COPG1: variants seen among roughly 807,000 people sequenced by gnomAD.
COPG1 encodes the protein coatomer subunit gamma-1.
In COPG1, 29 loss-of-function variants were observed where a neutral mutation model predicts 102.8. The observed-to-expected ratio is 0.28, with a 90% CI of 0.21 to 0.38. COPG1 has a LOEUF of 0.38. COPG1 is among the 10% of genes least tolerant of loss of function. COPG1 has a pLI of 1.00. For synonymous variants in COPG1, 406 were observed against 421.6 expected, an observed-to-expected ratio of 0.96 and a Z score of 0.45; for missense variants, 875 against 1,132.7, an observed-to-expected ratio of 0.77 and a Z score of 3.27.
At chr3:129,268,409 A>T in intron 16 of COPG1, 86 bp from the exon 17 acceptor site, 1 of 1,450,246 alleles carries the variant, frequency 6.9e-7, no homozygotes, top group Non-Finnish European at 9.4e-7. Context: ...AGGACTTGTA[A>T]CTTCGGGACC....
intron 7 of COPG1, 152 bp from the exon 8 acceptor site, chr3:129,255,916 A>G (rs1301642680): frequency 2.9e-5 from 17 of 594,620 alleles, no homozygotes; most frequent in Non-Finnish European, 6.0e-6. Context: ...AGGGACATTG[A>G]GGGTGGGAGC....
rs188915597 is a variant in COPG1, at chr3:129,254,315, C to T, written c.324-353C>T. The T allele has an allele frequency of 1.7e-4, 33 of 195,204 alleles. No individual in the cohort carries two copies. In the East Asian group the frequency reaches 2.5e-3, roughly 15 times the overall value. 12.1% of individuals were successfully genotyped at this position (195,204 alleles called of 1,614,324 possible). ...TGTCTCAAAAAAAAAAAGAGTAGGA[C>T]AGAGTGGAGGTGAGGGGTGAGGAAT... On this transcript the variant is annotated intron_variant, in intron 5 of 23. Coordinates refer to ENST00000314797, the MANE Select transcript of COPG1 (RefSeq NM_016128.4).
intron 12 of COPG1, among the ~76,000 whole-genome samples, chr3:129,261,434 A>C (rs1312338190): frequency 1.3e-5 from 2 of 152,228 alleles, no homozygotes; most frequent in Non-Finnish European, 2.9e-5. Flanking sequence ...CAAAGTCAGA[A>C]TAGACAGGGC....
Position 129,263,839 on chromosome 3 carries a change from CAG to C in COPG1, c.1129-64_1129-63del, listed in dbSNP as rs1386217405. On this transcript the variant is annotated intron_variant, in intron 12 of 23. Coordinates refer to ENST00000314797, the MANE Select transcript of COPG1 (RefSeq NM_016128.4). ...CCTAAGGAAGGACTCAGTGGGCACT[CAG>C]GGAACTGAGTCACCCCATCTTGGTG... 6 of 1,405,316 alleles carry C rather than the reference CAG, an allele frequency of 4.3e-6. No homozygotes were observed. The African/African-American group carries it at 5.7e-5, about 13-fold the overall frequency. 87.1% of individuals were successfully genotyped at this position (1,405,316 alleles called of 1,614,324 possible).
At chr3:129,261,073 A>G (rs963155495) in intron 12 of COPG1, among the ~76,000 whole-genome samples, 4 of 152,260 alleles carry the variant, frequency 2.6e-5, no homozygotes, top group African/African-American at 4.8e-5. Flanking sequence ...TTGTTGTCCA[A>G]GTATTTCTTG....
intron 20 of COPG1, 52 bp from the exon 21 acceptor site, chr3:129,272,755 C>A: frequency 8.5e-7 from 1 of 1,180,978 alleles, no homozygotes; most frequent in Non-Finnish European, 1.3e-6. Flanking sequence ...AGGAGGAGCC[C>A]ATCCCCTGCA....
Position 129,250,670 on chromosome 3 carries a change from C to A in COPG1, c.38-12C>A, listed in dbSNP as rs1389377957. On this transcript the variant is annotated splice_polypyrimidine_tract_variant and intron_variant, in intron 1 of 23. Transcript: ENST00000314797. ...AGTCACAACCTACCTTCTCCATTGT[C>A]CTTGACCGTAGGTGGAGGCTCCAAC... is the stretch of plus-strand genomic sequence containing the variant. 10 of 1,612,944 alleles carry A rather than the reference C, an allele frequency of 6.2e-6. No homozygotes were observed. Among genetic ancestry groups the A allele is most frequent in the African/African-American group, 1.3e-5 (1 of 74,866 alleles).
chr3:129,250,020 C>T (rs1398697762), intron 1 of COPG1, among the ~76,000 whole-genome samples: 1 of 152,020 alleles, frequency 6.6e-6, no homozygotes, highest in African/African-American at 2.4e-5. Context: ...AGGAGGGGAC[C>T]ATGCCGAATG....
At chr3:129,274,197 A>AAAAG in intron 21 of COPG1, 1 of 429,930 alleles carries the variant, frequency 2.3e-6, no homozygotes, top group Non-Finnish European at 4.6e-6. Context: ...AAAAAAAAAA[A>AAAAG]AGAGAGAGAG....
At chr3:129,262,470 G>A (rs1039781778) in intron 12 of COPG1, among the ~76,000 whole-genome samples, 12 of 151,974 alleles carry the variant, frequency 7.9e-5, no homozygotes, top group African/African-American at 2.7e-4. Context: ...AGCCAGGATG[G>A]TCTCGATCTC....
intron 15 of COPG1, among the ~76,000 whole-genome samples, chr3:129,267,404 A>G (rs1216709566): frequency 2.6e-5 from 4 of 152,226 alleles, no homozygotes; most frequent in Middle Eastern, 3.4e-3. Context: ...GGCGGATCAC[A>G]AGGTCAGGAG....
rs1448725814 is a variant in COPG1, at chr3:129,265,444, T to G, written c.1225-105T>G. The G allele has an allele frequency of 2.1e-6, 3 of 1,414,908 alleles. No individual in the cohort carries two copies. In the East Asian group the frequency reaches 6.9e-5, roughly 32 times the overall value. 87.6% of individuals were successfully genotyped at this position (1,414,908 alleles called of 1,614,324 possible). ...TAGAGGCCCAGAGAACCAAGTGCCCTGTCTCCAAGTTCTGTGTTTGGACAA... is the reference window on the plus strand; with the variant it reads ...TAGAGGCCCAGAGAACCAAGTGCCCGGTCTCCAAGTTCTGTGTTTGGACAA... On this transcript the variant is annotated intron_variant, in intron 13 of 23. Transcript: ENST00000314797.
chr3:129,255,323 C>T (rs1054821374), intron 7 of COPG1, among the ~76,000 whole-genome samples: 2 of 151,292 alleles, frequency 1.3e-5, no homozygotes, highest in South Asian at 2.1e-4. Context: ...GGATTACAGG[C>T]GTCTGCCACT....
chr3:129,261,811 C>T (rs557741085), intron 12 of COPG1, among the ~76,000 whole-genome samples: 2 of 152,202 alleles, frequency 1.3e-5, no homozygotes, highest in Non-Finnish European at 2.9e-5. Context: ...TGAAGACACT[C>T]AACTATCCAT....
chr3:129,267,493 T>C (rs1312066884), intron 15 of COPG1, among the ~76,000 whole-genome samples: 2 of 151,996 alleles, frequency 1.3e-5, no homozygotes, highest in South Asian at 2.1e-4. Flanking sequence ...TGGTGGCGGG[T>C]GCCTGTAGTC....
chr3:129,268,984 G>T lies in COPG1; in HGVS notation c.1827G>T (p.Arg609Ser). ...VKQPEKVAAT[R>S]QEIFQEQLAA... Reference sequence around the variant, plus strand: ...AGCCTGAGAAAGTGGCAGCTACCAGGCAGGAGATCTTCCAGGGTGAGTCAC... The same window carrying T: ...AGCCTGAGAAAGTGGCAGCTACCAGTCAGGAGATCTTCCAGGGTGAGTCAC... Residue 609 changes from arginine (R) to serine (S), a missense_variant, in exon 18 of 24, where the codon AGG becomes AGT. Transcript: ENST00000314797. 1 of 1,614,072 alleles carries T rather than the reference G, an allele frequency of 6.2e-7. No homozygotes were observed. Among genetic ancestry groups the T allele is most frequent in the Non-Finnish European group, 8.5e-7 (1 of 1,179,970 alleles).
In COPG1 at chr3:129,260,799, G is replaced by T; in HGVS notation, c.1120G>T (p.Glu374Ter). 6.2e-7 allele frequency: 1 copy of T among 1,612,158 alleles called. No individual in the cohort carries two copies. Among genetic ancestry groups the T allele is most frequent in the Non-Finnish European group, 8.5e-7 (1 of 1,179,954 alleles). ...ISSFMSEISD[E>*]FKVVVVQAIS... is the part of the protein sequence containing the mutation. The stretch of plus-strand genomic sequence containing the variant: ...CTCCTTCATGTCAGAAATCTCGGAT[G>T]AATTCAAGGTACCTGCTACCCCCAG... Residue 374 changes from glutamate to a stop codon, truncating the protein, a stop_gained, in exon 12 of 24, where the codon GAA (glutamate) becomes TAA (stop). Transcript: ENST00000314797. LOFTEE classifies it high-confidence loss of function.
In COPG1 at chr3:129,252,301, T is replaced by C. The variant is rs1560061467; in HGVS notation, c.111T>C (p.Thr37=). The change falls in exon 3 of 24, where the codon ACT becomes ACC. Residue 37 remains threonine (T), a synonymous_variant. Coordinates refer to ENST00000314797, the MANE Select transcript of COPG1 (RefSeq NM_016128.4). The stretch of plus-strand genomic sequence containing the variant: ...CTTAGGCCCGTGTATTTAATGAAAC[T>C]CCCATCAACCCTCGGAAATGTGCCC... The part of the protein sequence containing the change: ...VLQEARVFNE[T]PINPRKCAHI... The C allele has an allele frequency of 6.2e-7, 1 of 1,612,006 alleles. No individual in the cohort carries two copies. The highest frequency in any genetic ancestry group is 1.7e-5 in the Admixed American group (1 of 60,008).
intron 8 of COPG1, 67 bp downstream of exon 8, chr3:129,256,221 C>T: frequency 7.5e-7 from 1 of 1,341,796 alleles, no homozygotes; most frequent in African/African-American, 1.5e-5. Context: ...GGCCAGTTGG[C>T]ATGGACACTT....
Sources: gnomAD v4.1 joint callset for allele counts (sites outside exome capture counted in the v4.1 genomes callset) on GRCh38, gnomAD v4.1.1 for gene constraint, MANE v1.5 for transcripts, NCBI Gene and HGNC (gene_info 2026-07-23, HGNC 2026-07-21) for gene names.